Variants in CFAP20DC observed in about 807,000 individuals in gnomAD.
The protein encoded by CFAP20DC is CFAP20 domain containing.
Under a neutral mutation model 101.7 loss-of-function variants are expected in CFAP20DC, and 84 were observed. That is an observed-to-expected ratio of 0.83 (90% CI 0.69 to 0.99). The LOEUF (loss-of-function observed/expected upper bound fraction) is 0.99. Ranked by LOEUF, CFAP20DC falls within the 50% of genes least tolerant of loss-of-function variation. CFAP20DC has a pLI of 0.00. For synonymous variants in CFAP20DC, 359 were observed against 351.2 expected, an observed-to-expected ratio of 1.02 and a Z score of -0.25; for missense variants, 1,007 against 970.3, an observed-to-expected ratio of 1.04 and a Z score of -0.50.
intron 4 of CFAP20DC, among the ~76,000 whole-genome samples, chr3:58,963,187 AGTTTGTGTGTGTGT>A (rs1202532894): frequency 3.8e-5 from 2 of 53,002 alleles, no homozygotes; most frequent in African/African-American, 1.1e-4. Flanking sequence ...AAGGTTCAGT[AGTTTGTGTGTGTGT>A]GTGTGTGTGT....
intron 7 of CFAP20DC, among the ~76,000 whole-genome samples, chr3:58,877,041 A>G (rs1405495862): frequency 6.6e-6 from 1 of 152,232 alleles, no homozygotes; most frequent in Non-Finnish European, 1.5e-5. Context: ...GTTAGAGCAC[A>G]TGAAACAATG....
chr3:58,808,756 A>G (rs2074341892), intron 14 of CFAP20DC, among the ~76,000 whole-genome samples: 1 of 152,226 alleles, frequency 6.6e-6, no homozygotes, highest in African/African-American at 2.4e-5. Context: ...TCCAATTAAA[A>G]GACACAGACT....
chr3:58,769,102 A>G (rs2070596174), intron 15 of CFAP20DC, among the ~76,000 whole-genome samples: 1 of 152,204 alleles, frequency 6.6e-6, no homozygotes. Flanking sequence ...AAAGGTGTGG[A>G]GAGAGGGCCT....
At chr3:58,802,594 T>C (rs944743325) in intron 15 of CFAP20DC, among the ~76,000 whole-genome samples, 2 of 152,208 alleles carry the variant, frequency 1.3e-5, no homozygotes, top group African/African-American at 4.8e-5. Flanking sequence ...GTTGCAAATC[T>C]AGACACGCAA....
intron 2 of CFAP20DC, 99 bp from the exon 3 acceptor site, chr3:59,046,421 T>C: frequency 5.3e-6 from 4 of 759,572 alleles, no homozygotes; most frequent in Admixed American, 3.1e-5. Context: ...AAAAATCCCA[T>C]ATTCAAATAA....
rs544621512 is a variant in CFAP20DC, at chr3:58,722,627, G to A, written c.198-4999C>T. Among the ~76,000 whole-genome samples, 1 of 152,156 alleles carries A rather than the reference G, an allele frequency of 6.6e-6. No homozygotes were observed. The highest frequency in any genetic ancestry group is 1.5e-5 in the Non-Finnish European group (1 of 68,026). ...TCAAGGCAAGACAGGGAATAAACAG[G>A]TCACTCCCACAGTTCTCGTTTGCCT... is the stretch of plus-strand genomic sequence containing the variant. On this transcript the variant is annotated intron_variant, in intron 3 of 3. Transcript: ENST00000486145. This position sits in a 1 kb window ranked among gnomAD's most constrained non-coding sequence, Gnocchi z 4.5.
Position 58,831,881 on chromosome 3 carries a change from G to C in CFAP20DC, c.1980C>G (p.Asp660Glu), listed in dbSNP as rs776699096. Residue 660 changes from aspartate (D) to glutamate (E), a missense_variant, in exon 14 of 17, where the codon GAC becomes GAG. By Grantham distance (45) the Asp-to-Glu change is conservative. Transcript: ENST00000482387. ...LSSIPEASEY[D>E]WRNYQPSQMS... ...TCTGGCTTGGCTGATAGTTTCGCCA[G>C]TCATATTCCTGACCAAGAGAGAGGA... 1.3e-5 allele frequency: 21 copies of C among 1,613,652 alleles called. No individual in the cohort carries two copies. Among genetic ancestry groups the C allele is most frequent in the Non-Finnish European group, 1.5e-5 (18 of 1,179,746 alleles).
chr3:58,756,887 G>A (rs550592611), intron 15 of CFAP20DC, among the ~76,000 whole-genome samples: 11 of 152,162 alleles, frequency 7.2e-5, no homozygotes, highest in Admixed American at 3.9e-4. Context: ...AGTTCATGGA[G>A]AGCTTCCTCA....
At chr3:58,936,821 C>T (rs1288011369) in intron 5 of CFAP20DC, among the ~76,000 whole-genome samples, 1 of 151,884 alleles carries the variant, frequency 6.6e-6, no homozygotes, top group Non-Finnish European at 1.5e-5. Context: ...ATACCTAATG[C>T]TAAATGACGA....
intron 4 of CFAP20DC, among the ~76,000 whole-genome samples, chr3:59,036,959 G>C (rs2094115151): frequency 1.3e-5 from 2 of 151,984 alleles, no homozygotes; most frequent in African/African-American, 2.4e-5. Flanking sequence ...ACAGAACAGA[G>C]GCCTCAGAAA....
chr3:58,797,862 C>T (rs769285055), intron 15 of CFAP20DC, among the ~76,000 whole-genome samples: 8 of 152,154 alleles, frequency 5.3e-5, no homozygotes, highest in Non-Finnish European at 1.2e-4. Context: ...AAATCCTACT[C>T]TGCCTGTGTT....
At chr3:58,949,207 C>T (rs1284153836) in intron 4 of CFAP20DC, among the ~76,000 whole-genome samples, 1 of 152,046 alleles carries the variant, frequency 6.6e-6, no homozygotes, top group East Asian at 1.9e-4. Flanking sequence ...AGAGGTCTAT[C>T]AATTTTGTTG....
intron 13 of CFAP20DC, among the ~76,000 whole-genome samples, chr3:58,842,769 A>G (rs530994359): frequency 4.3e-4 from 65 of 152,354 alleles, no homozygotes; most frequent in Non-Finnish European, 8.2e-4. Flanking sequence ...TCCCTGTCTG[A>G]CAGCTTTGAA....
rs773017513 is a variant in CFAP20DC at position 58,884,596 on chromosome 3, G to A, written c.664C>T (p.Arg222Cys). 18 of 1,613,804 alleles carry A rather than the reference G, an allele frequency of 1.1e-5. No homozygotes were observed. The highest frequency in any genetic ancestry group is 1.6e-4 in the Middle Eastern group (1 of 6,082). Reference sequence around the variant, plus strand: ...CCTCCGAATTTTATTTCAGTTTGGCGAAGTTTAGTCATGTTTAGCAGCTGT... The same window carrying A: ...CCTCCGAATTTTATTTCAGTTTGGCAAAGTTTAGTCATGTTTAGCAGCTGT... ...VTQLLNMTKL[R>C]QTEIKFGGHP... The change falls in exon 7 of 17, where the codon CGC (arginine) becomes TGC (cysteine). Residue 222 changes from arginine to cysteine, a missense_variant. Coordinates refer to ENST00000482387, the MANE Select transcript of CFAP20DC (RefSeq NM_001394063.1).
intron 5 of CFAP20DC, among the ~76,000 whole-genome samples, chr3:58,934,781 T>C (rs2087283183): frequency 6.6e-6 from 1 of 152,154 alleles, no homozygotes; most frequent in Non-Finnish European, 1.5e-5. Flanking sequence ...CTGAAAATAA[T>C]AAGAGCTATC....
Position 58,795,531 on chromosome 3 carries a change from G to A in CFAP20DC, c.2237+10864C>T, listed in dbSNP as rs2073177067. On this transcript the variant is annotated intron_variant, in intron 15 of 16. Transcript: ENST00000482387. This position sits in a 1 kb window ranked among gnomAD's most constrained non-coding sequence, Gnocchi z 4.2. ...TCTCGGCTACATGGGAAGCTGGAGTGGGAGAGTTACCTGAGCCCGGGAGGC... is the reference window on the plus strand; with the variant it reads ...TCTCGGCTACATGGGAAGCTGGAGTAGGAGAGTTACCTGAGCCCGGGAGGC... Among the ~76,000 whole-genome samples, 1 of 152,196 alleles carries A rather than the reference G, an allele frequency of 6.6e-6. No individual in the cohort carries two copies. Among genetic ancestry groups the A allele is most frequent in the Non-Finnish European group, 1.5e-5 (1 of 68,030 alleles).
downstream of CFAP20DC, chr3:58,741,919 T>C (rs2067900309): frequency 7.7e-6 from 2 of 258,388 alleles, no homozygotes; most frequent in Non-Finnish European, 1.2e-5. Context: ...AATGTTTCTT[T>C]TTCTAAGAGT....
At chr3:59,045,412 T>A (rs1699771871) in intron 3 of CFAP20DC, among the ~76,000 whole-genome samples, 1 of 152,108 alleles carries the variant, frequency 6.6e-6, no homozygotes, top group Admixed American at 6.5e-5. Flanking sequence ...ATTTGCTAAA[T>A]CACCTGAAAT....
chr3:58,936,595 TA>T (rs1455469295), intron 5 of CFAP20DC, among the ~76,000 whole-genome samples: 7 of 152,236 alleles, frequency 4.6e-5, no homozygotes, highest in Admixed American at 3.3e-4. Context: ...TATGCAGCCA[TA>T]AAAAATGAAG....
Sources: gnomAD v4.1 joint callset for allele counts (sites outside exome capture counted in the v4.1 genomes callset) on GRCh38, gnomAD v4.1.1 for gene constraint, Gnocchi (gnomAD v3.1) non-coding constraint, MANE v1.5 for transcripts, NCBI Gene and HGNC (gene_info 2026-07-23, HGNC 2026-07-21) for gene names.